The following TECTA variants were observed in gnomAD, a reference collection of about 807,000 sequenced individuals.
TECTA encodes the protein tectorin alpha, also known as alpha-tectorin.
TECTA carries 128 observed loss-of-function variants against 216.8 expected under a neutral mutation model. The observed-to-expected ratio is 0.59, with a 90% CI of 0.51 to 0.68. TECTA has a LOEUF of 0.68. Among genes scored for constraint, TECTA ranks in the 30% least tolerant of loss-of-function variants. TECTA has a pLI of 0.00. For missense variants in TECTA, 2,551 were observed against 2,786.2 expected (o/e 0.92, Z 1.90); for synonymous variants, 1,089 against 1,117.1 (o/e 0.97, Z 0.50).
chr11:121,175,303 C>G (rs1947154250), intron 20 of TECTA, among the ~76,000 whole-genome samples: 1 of 151,714 alleles, frequency 6.6e-6, no homozygotes, highest in African/African-American at 2.4e-5. Context: ...AATTTTGGAT[C>G]TTTCCTGCTT....
At chr11:121,133,461 G>C (rs5024313) in intron 10 of TECTA, among the ~76,000 whole-genome samples, 2 of 151,760 alleles carry the variant, frequency 1.3e-5, no homozygotes, top group African/African-American at 4.8e-5. Flanking sequence ...TGGGGTGCCA[G>C]GATGGGGAAC....
In TECTA at chr11:121,128,078, G is replaced by C; in HGVS notation, c.2101G>C (p.Gly701Arg). Residue 701 changes from glycine (G) to arginine (R), a missense_variant, in exon 9 of 24, where the codon GGC (glycine) becomes CGC (arginine). This residue lies in a region of TECTA where 2,375 missense variants were observed against 2,563.9 expected (regional missense o/e 0.93). Transcript: ENST00000392793. ...GSGEVCAVEDGYQGCFPKRET... is the reference protein window; with the variant it reads ...GSGEVCAVEDRYQGCFPKRET... ...CGGGGAGGTGTGCGCCGTGGAGGAC[G>C]GCTACCAGGGCTGCTTCCCCAAGCG... 6.2e-7 allele frequency: 1 copy of C among 1,612,590 alleles called. No homozygotes were observed.
At chr11:121,119,670 C>T (rs751502106) in intron 7 of TECTA, among the ~76,000 whole-genome samples, 3 of 152,194 alleles carry the variant, frequency 2.0e-5, no homozygotes, top group Admixed American at 6.5e-5. Flanking sequence ...AGATTACAAA[C>T]CAGAACTGAT....
At chr11:121,125,938 G>A in intron 8 of TECTA, 66 bp downstream of exon 8, 2 of 1,553,402 alleles carry the variant, frequency 1.3e-6, no homozygotes, top group Non-Finnish European at 1.7e-6. Flanking sequence ...GGCTTTGGGG[G>A]CTCCTCCAAA....
intron 17 of TECTA, 26 bp from the exon 18 acceptor site, chr11:121,166,552 G>A (rs770619908): frequency 1.9e-6 from 3 of 1,613,410 alleles, no homozygotes; most frequent in African/African-American, 2.7e-5. Context: ...CCACTGATTT[G>A]CCTTTCGTAA....
At chr11:121,126,140 G>A (rs1396283233) in intron 8 of TECTA, among the ~76,000 whole-genome samples, 1 of 152,192 alleles carries the variant, frequency 6.6e-6, no homozygotes, top group Admixed American at 6.5e-5. Flanking sequence ...AGCAGGGGAC[G>A]GCAGCTCCAG....
chr11:121,125,411 CTT>C lies in TECTA; in HGVS notation c.1316_1317del (p.Phe439Ter). On this transcript the variant is annotated frameshift_variant, in exon 8 of 24. Coordinates refer to ENST00000392793, the MANE Select transcript of TECTA (RefSeq NM_005422.4). LOFTEE classifies it high-confidence loss of function. The stretch of plus-strand genomic sequence containing the variant: ...GAAACAGATTTTGGGCTCTTAGTGA[CTT>C]TTGATGGCCAGCACTACGCCTCCAT... 6.2e-7 allele frequency: 1 copy of C among 1,614,222 alleles called. No individual in the cohort carries two copies. The highest frequency in any genetic ancestry group is 8.5e-7 in the Non-Finnish European group (1 of 1,180,044).
chr11:121,166,641 C>G lies in TECTA; in HGVS notation c.5447C>G (p.Ser1816Cys). The G allele has an allele frequency of 6.2e-7, 1 of 1,614,212 alleles. No homozygotes were observed. The highest frequency in any genetic ancestry group is 8.5e-7 in the Non-Finnish European group (1 of 1,180,048). Residue 1816 changes from serine to cysteine, a missense_variant, in exon 18 of 24, where the codon TCT (serine) becomes TGT (cysteine). Around this residue, in one of 3 missense-constraint regions of TECTA, gnomAD observed 2,375 missense variants for 2,563.9 expected, o/e 0.93. Transcript: ENST00000392793. ...CKAAQMEVSI[S>C]KCKLFQLGFE... ...GCAGCCCAAATGGAAGTGTCCATAT[C>G]TAAGTGCAAGCTCTTCCAGCTCGGT...
chr11:121,126,650 G>T (rs1020053972), intron 8 of TECTA, among the ~76,000 whole-genome samples: 6 of 152,198 alleles, frequency 3.9e-5, no homozygotes, highest in Non-Finnish European at 7.3e-5. Context: ...CTAGGGAGGT[G>T]AGAAGATTTA....
chr11:121,120,312 C>T (rs1020123706), intron 7 of TECTA, among the ~76,000 whole-genome samples: 14 of 152,182 alleles, frequency 9.2e-5, no homozygotes, highest in African/African-American at 3.4e-4. Context: ...GTAAATGTTT[C>T]AGAAAGAAAA....
In TECTA at chr11:121,102,859, T is replaced by C. The variant is rs531024679; in HGVS notation, c.64+130T>C. 36 of 802,652 alleles carry C rather than the reference T, an allele frequency of 4.5e-5. No homozygotes were observed. The African/African-American group carries it at 4.8e-4, about 11-fold the overall frequency. The allele number at this position is 802,652 out of a possible 1,614,324, so 49.7% of individuals were successfully genotyped here. On this transcript the variant is annotated intron_variant, in intron 2 of 23. Transcript: ENST00000392793. ...CTACAGATACAAGAGAAAAATGTAATTAAATTCTATTATCAAGGGTAAAAT... is the reference window on the plus strand; with the variant it reads ...CTACAGATACAAGAGAAAAATGTAACTAAATTCTATTATCAAGGGTAAAAT...
At chr11:121,180,724 T>C (rs1225548285) in intron 20 of TECTA, among the ~76,000 whole-genome samples, 2 of 152,138 alleles carry the variant, frequency 1.3e-5, no homozygotes, top group Non-Finnish European at 2.9e-5. Flanking sequence ...TGGACATCTT[T>C]TGCCCTTCTG....
intron 10 of TECTA, among the ~76,000 whole-genome samples, chr11:121,136,981 G>C (rs1256361577): frequency 1.3e-5 from 2 of 152,238 alleles, no homozygotes; most frequent in African/African-American, 4.8e-5. Context: ...TATGTGGAAA[G>C]CTAGGTGCCC....
intron 10 of TECTA, among the ~76,000 whole-genome samples, chr11:121,132,263 G>A (rs10892674): frequency 0.28 from 41,945 of 152,004 alleles, 6,027 homozygotes; most frequent in East Asian, 0.43. Flanking sequence ...CTACTTAACC[G>A]ATTGTATCTG....
chr11:121,166,331 G>A (rs761266204), intron 17 of TECTA, among the ~76,000 whole-genome samples: 7 of 152,216 alleles, frequency 4.6e-5, no homozygotes, highest in Non-Finnish European at 8.8e-5. Flanking sequence ...GGTTTGTAAA[G>A]AAAAGACAGA....
intron 20 of TECTA, among the ~76,000 whole-genome samples, chr11:121,186,311 A>G (rs1368341393): frequency 2.0e-5 from 3 of 152,264 alleles, no homozygotes; most frequent in African/African-American, 7.2e-5. Context: ...GTCTGGGGAC[A>G]TGCAGGCCAC....
chr11:121,125,152 A>T, intron 7 of TECTA, 150 bp from the exon 8 acceptor site: 1 of 804,554 alleles, frequency 1.2e-6, no homozygotes, highest in Non-Finnish European at 2.1e-6. Context: ...CCTTTGCCTT[A>T]ATCAGAGGGA....
rs1363128774 is a variant in TECTA at position 121,113,241 on chromosome 11, T to C, written c.624+32T>C. ...GGCTCTCCACTTCATCCCCCGCGTG[T>C]TTCCGTCGCTGCACTCTCTGCTTCT... is the stretch of plus-strand genomic sequence containing the variant. On this transcript the variant is annotated intron_variant, in intron 5 of 23. Coordinates refer to ENST00000392793, the MANE Select transcript of TECTA (RefSeq NM_005422.4). This position sits in a 1 kb window ranked among gnomAD's most constrained non-coding sequence, Gnocchi z 4.2. The C allele has an allele frequency of 3.7e-6, 6 of 1,613,318 alleles. No individual in the cohort carries two copies. Among genetic ancestry groups the C allele is most frequent in the Non-Finnish European group, 4.2e-6 (5 of 1,179,976 alleles).
At chr11:121,179,172 A>C (rs1211496031) in intron 20 of TECTA, among the ~76,000 whole-genome samples, 2 of 152,106 alleles carry the variant, frequency 1.3e-5, no homozygotes, top group Non-Finnish European at 2.9e-5. Flanking sequence ...ATATTGCAAT[A>C]AATTTTCCTC....
Sources: gnomAD v4.1 joint callset for allele counts (sites outside exome capture counted in the v4.1 genomes callset) on GRCh38, gnomAD v4.1.1 for gene constraint, gnomAD v4.1.1 regional missense constraint, Gnocchi (gnomAD v3.1) non-coding constraint, MANE v1.5 for transcripts, NCBI Gene and HGNC (gene_info 2026-07-23, HGNC 2026-07-21) for gene names.